The following ANXA7 variants were observed in gnomAD, a reference collection of about 807,000 sequenced individuals.
ANXA7 encodes annexin A7, also known as annexin VII.
Under a neutral mutation model 64.9 loss-of-function variants are expected in ANXA7, and 55 were observed. That is an observed-to-expected ratio of 0.85 (90% CI 0.68 to 1.06). The LOEUF is 1.06. Among genes scored for constraint, ANXA7 ranks in the 50% least tolerant of loss-of-function variants. ANXA7 has a pLI of 0.00. For missense variants in ANXA7, 548 were observed against 582.1 expected, an observed-to-expected ratio of 0.94 and a Z score of 0.60; for synonymous variants, 200 against 192.4, an observed-to-expected ratio of 1.04 and a Z score of -0.33.
In ANXA7 at chr10:73,395,748, T is replaced by C. The variant is rs1440131872; in HGVS notation, c.435+771A>G. 6.6e-6 allele frequency: 3 copies of C among 456,502 alleles called. No homozygotes were observed. In the Admixed American group the frequency reaches 9.7e-5, roughly 15 times the overall value. 28.3% of individuals were successfully genotyped at this position (456,502 alleles called of 1,614,324 possible). A position where few individuals can be genotyped will look rare whatever the true frequency, so the allele number is the denominator to read the frequency against. On this transcript the variant is annotated intron_variant, in intron 5 of 12. Transcript: ENST00000372921. ...GTGCAGTGAGCCGAGGTCGTGCCACTGCACTCTAGCCTGGGTGCCAACAGT... is the reference window on the plus strand; with the variant it reads ...GTGCAGTGAGCCGAGGTCGTGCCACCGCACTCTAGCCTGGGTGCCAACAGT...
rs144134391 is a variant in ANXA7 at position 73,411,535 on chromosome 10, G to A, written c.-2+2477C>T. Among the ~76,000 whole-genome samples the A allele has an allele frequency of 8.4e-3, 1,273 of 152,198 alleles. 11 individuals are homozygous for A. Among genetic ancestry groups the A allele is most frequent in the Non-Finnish European group, 0.012 (846 of 68,010 alleles). ...CACTCATTGCAACCTCCACCTCCCA[G>A]GTTCAAGCGATTCTCCTGTCTCAGC... On this transcript the variant is annotated intron_variant, in intron 1 of 12. Coordinates refer to ENST00000372921, the MANE Select transcript of ANXA7 (RefSeq NM_001156.5).
At chr10:73,403,799 G>C (rs1030006934) in intron 1 of ANXA7, among the ~76,000 whole-genome samples, 3 of 152,176 alleles carry the variant, frequency 2.0e-5, no homozygotes, top group Admixed American at 6.5e-5. Flanking sequence ...CTAACATCCT[G>C]GATTTCCAGC....
intron 6 of ANXA7, 137 bp downstream of exon 6, chr10:73,388,175 G>C: frequency 1.5e-6 from 1 of 653,858 alleles, no homozygotes; most frequent in East Asian, 2.8e-5. Context: ...TGCTTACAAG[G>C]CACTAGACAT....
At chr10:73,409,669 C>T (rs1044402680) in intron 1 of ANXA7, among the ~76,000 whole-genome samples, 6 of 152,034 alleles carry the variant, frequency 3.9e-5, no homozygotes, top group Admixed American at 2.0e-4. Flanking sequence ...AAAAACAATC[C>T]TAAAATTAAT....
At position 73,376,113 on chromosome 10, in the gene ANXA7, C is replaced by T. The variant is rs781178046; in HGVS notation, c.1383G>A (p.Leu461=). 1 of 1,594,694 alleles carries T rather than the reference C, an allele frequency of 6.3e-7. No homozygotes were observed. Among genetic ancestry groups the T allele is most frequent in the South Asian group, 1.2e-5 (1 of 85,258 alleles). Residue 461 remains leucine, a synonymous_variant, in exon 13 of 13, where the codon CTG becomes CTA. Coordinates refer to ENST00000372921, the MANE Select transcript of ANXA7 (RefSeq NM_001156.5). The part of the protein sequence containing the change: ...DTSGDYRRLL[L]AIVGQ ...ATCCCTCCTACTGGCCCACAATAGC[C>T]AGAAGAAGTCTTCGGTAATCTCCAC...
rs552221556 is a variant in ANXA7, at chr10:73,377,208, C to A, written c.1279-991G>T. 9.9e-5 allele frequency among the ~76,000 whole-genome samples: 15 copies of A among 152,112 alleles called. No homozygotes were observed. In the East Asian group the frequency reaches 2.1e-3, roughly 21 times the overall value. Reference sequence around the variant, plus strand: ...TGCTTTGAAAATTTAAGTTAAAGAACAAAGTTTTTTTCAAAATACCATATT... The same window carrying A: ...TGCTTTGAAAATTTAAGTTAAAGAAAAAAGTTTTTTTCAAAATACCATATT... On this transcript the variant is annotated intron_variant, in intron 12 of 12. Transcript: ENST00000372921.
intron 1 of ANXA7, among the ~76,000 whole-genome samples, chr10:73,409,932 T>C (rs1226133576): frequency 6.6e-6 from 1 of 152,124 alleles, no homozygotes; most frequent in Non-Finnish European, 1.5e-5. Context: ...TCCTATTCAA[T>C]AAATGATGCT....
chr10:73,377,773 G>GTGTGTGTGTGTGTGTGTGTGTGTGTGT (rs2055200570), intron 12 of ANXA7, among the ~76,000 whole-genome samples: 1 of 124,822 alleles, frequency 8.0e-6, no homozygotes, highest in African/African-American at 3.2e-5. Flanking sequence ...GGTGGGTGTG[G>GTGTGTGTGTGTGTGTGTGTGTGTGTGT]GTGTGTGTGT....
At chr10:73,386,214 T>TAAAAA (rs377002771) in intron 7 of ANXA7, among the ~76,000 whole-genome samples, 11 of 83,384 alleles carry the variant, frequency 1.3e-4, no homozygotes, top group Non-Finnish European at 2.0e-4. Flanking sequence ...CAAAAAAAAG[T>TAAAAA]AAAAAAAAAA....
At chr10:73,377,773 G>GGGGGGTGTGTGTGTGTGTGTGT (rs1554815379) in intron 12 of ANXA7, among the ~76,000 whole-genome samples, 2 of 124,822 alleles carry the variant, frequency 1.6e-5, no homozygotes, top group African/African-American at 6.4e-5. Context: ...GGTGGGTGTG[G>GGGGGGTGTGTGTGTGTGTGTGT]GTGTGTGTGT....
intron 1 of ANXA7, among the ~76,000 whole-genome samples, chr10:73,402,401 C>T (rs1017878767): frequency 2.0e-5 from 3 of 151,888 alleles, no homozygotes; most frequent in African/African-American, 4.8e-5. Context: ...GGGGTTTCAC[C>T]GTATTGCCCA....
At chr10:73,385,970 T>C (rs2055363101) in intron 7 of ANXA7, among the ~76,000 whole-genome samples, 1 of 152,102 alleles carries the variant, frequency 6.6e-6, no homozygotes, top group African/African-American at 2.4e-5. Context: ...TCCCAGCACT[T>C]TGGGAGGCCA....
intron 5 of ANXA7, among the ~76,000 whole-genome samples, chr10:73,390,748 A>ACG: frequency 2.2e-5 from 3 of 137,506 alleles, no homozygotes; most frequent in Non-Finnish European, 4.5e-5. Flanking sequence ...ACACACACAT[A>ACG]TATATATATT....
chr10:73,404,130 G>C (rs1242065277), intron 1 of ANXA7, among the ~76,000 whole-genome samples: 2 of 152,096 alleles, frequency 1.3e-5, no homozygotes, highest in African/African-American at 2.4e-5. Flanking sequence ...ATTAGACTTA[G>C]AATAATTTTA....
chr10:73,405,771 C>T (rs1444854916), intron 1 of ANXA7, among the ~76,000 whole-genome samples: 5 of 152,220 alleles, frequency 3.3e-5, no homozygotes, highest in African/African-American at 7.2e-5. Flanking sequence ...AACTGTGAGA[C>T]GGATGATCAC....
chr10:73,380,363 A>G (rs982411920), intron 9 of ANXA7, among the ~76,000 whole-genome samples, 162 bp from the exon 10 acceptor site: 8 of 151,624 alleles, frequency 5.3e-5, no homozygotes, highest in African/African-American at 9.7e-5. Context: ...TCAACCTCCT[A>G]GGCTCAAGTG....
chr10:73,391,159 A>ACT (rs1347722311), intron 5 of ANXA7, among the ~76,000 whole-genome samples: 1 of 143,224 alleles, frequency 7.0e-6, no homozygotes, highest in Admixed American at 7.1e-5. Flanking sequence ...ACAGAGTGAG[A>ACT]CTCTGTCTCT....
At chr10:73,379,171 T>C in intron 11 of ANXA7, 148 bp from the exon 12 acceptor site, 1 of 540,772 alleles carries the variant, frequency 1.8e-6, no homozygotes, top group Non-Finnish European at 3.1e-6. Flanking sequence ...GTTCAGATGC[T>C]CTCCTTGATT....
Position 73,379,962 on chromosome 10 carries a change from C to G in ANXA7, c.1090-8G>C, listed in dbSNP as rs761600174. On this transcript the variant is annotated splice_region_variant and splice_polypyrimidine_tract_variant and intron_variant, in intron 10 of 12. Coordinates refer to ENST00000372921, the MANE Select transcript of ANXA7 (RefSeq NM_001156.5). ...CAAGTCTCGATTAGCCATCTGCAAA[C>G]AAAATTAAAGGGTTAAATATTTTTG... 1.9e-6 allele frequency: 3 copies of G among 1,613,384 alleles called. No homozygotes were observed. Among genetic ancestry groups the G allele is most frequent in the Admixed American group, 1.7e-5 (1 of 59,798 alleles).
Sources: gnomAD v4.1 joint callset for allele counts (sites outside exome capture counted in the v4.1 genomes callset) on GRCh38, gnomAD v4.1.1 for gene constraint, MANE v1.5 for transcripts, NCBI Gene and HGNC (gene_info 2026-07-23, HGNC 2026-07-21) for gene names.